DAB1: variants seen among roughly 807,000 people sequenced by gnomAD.
The protein encoded by DAB1 is disabled homolog 1.
A neutral mutation model predicts 64.6 loss-of-function variants in DAB1; 15 were observed. The ratio of observed to expected loss-of-function variants is 0.23; its 90% CI spans 0.16 to 0.36. The LOEUF is 0.36. Ranked by LOEUF, DAB1 falls within the 10% of genes least tolerant of loss-of-function variation. The probability of loss-of-function intolerance (pLI) is 1.00; values close to 1 mark genes in which losing one functional copy is unlikely to be tolerated. For missense variants in DAB1, 596 were observed against 706.7 expected, an observed-to-expected ratio of 0.84 and a Z score of 1.78; for synonymous variants, 235 against 251.9, an observed-to-expected ratio of 0.93 and a Z score of 0.64.
chr1:57,518,186 T>C (rs899753727), intron 7 of DAB1, among the ~76,000 whole-genome samples: 1 of 150,246 alleles, frequency 6.7e-6, no homozygotes, highest in Non-Finnish European at 1.5e-5. Context: ...ATTGTCGTTG[T>C]CGTCATCATC....
chr1:58,282,115 A>G (rs1661577774), intron 4 of DAB1, among the ~76,000 whole-genome samples: 1 of 152,048 alleles, frequency 6.6e-6, no homozygotes, highest in African/African-American at 2.4e-5. Context: ...TATGTGCTGA[A>G]CTCTTTTCCA....
chr1:57,723,921 C>G (rs1228692902), intron 6 of DAB1, among the ~76,000 whole-genome samples: 2 of 152,098 alleles, frequency 1.3e-5, no homozygotes, highest in East Asian at 3.9e-4. Flanking sequence ...ATTTCATATT[C>G]AAGAAAAAAA....
chr1:58,094,148 G>T (rs948848436), intron 5 of DAB1, among the ~76,000 whole-genome samples: 1 of 152,176 alleles, frequency 6.6e-6, no homozygotes, highest in Non-Finnish European at 1.5e-5. Flanking sequence ...CACTGTGGCT[G>T]CTGGGCTCCA....
At chr1:58,209,492 A>G (rs1020964525) in intron 4 of DAB1, among the ~76,000 whole-genome samples, 5 of 152,206 alleles carry the variant, frequency 3.3e-5, no homozygotes, top group Non-Finnish European at 7.3e-5. Context: ...TAAATATGCT[A>G]AGTAGCTATT....
At chr1:57,695,890 G>A (rs1646838723) in intron 6 of DAB1, among the ~76,000 whole-genome samples, 1 of 152,098 alleles carries the variant, frequency 6.6e-6, no homozygotes, top group African/African-American at 2.4e-5. Flanking sequence ...ACAAGAGTGA[G>A]ATTCCATCTC....
intron 9 of DAB1, among the ~76,000 whole-genome samples, chr1:57,039,891 G>T (rs1647516468): frequency 6.6e-6 from 1 of 152,172 alleles, no homozygotes; most frequent in African/African-American, 2.4e-5. Flanking sequence ...TAGTGCTAGT[G>T]TTAAGGGGAG....
chr1:57,329,283 C>T (rs1419879262), intron 1 of DAB1, among the ~76,000 whole-genome samples: 1 of 152,184 alleles, frequency 6.6e-6, no homozygotes, highest in Non-Finnish European at 1.5e-5. Flanking sequence ...ATCCTCCTTC[C>T]TCCCTCCAAA....
intron 4 of DAB1, among the ~76,000 whole-genome samples, chr1:57,114,034 A>G (rs1168551781): frequency 6.6e-6 from 1 of 152,166 alleles, no homozygotes; most frequent in South Asian, 2.1e-4. Context: ...ATTAGTTTCT[A>G]TGGAAACTGA....
chr1:57,713,715 G>A (rs1647052113), intron 6 of DAB1, among the ~76,000 whole-genome samples: 1 of 152,202 alleles, frequency 6.6e-6, no homozygotes, highest in Non-Finnish European at 1.5e-5. Flanking sequence ...ACCAGAGTAT[G>A]GATGTTGGAC....
At chr1:57,080,874 G>A (rs1028530611) in intron 4 of DAB1, among the ~76,000 whole-genome samples, 1 of 152,084 alleles carries the variant, frequency 6.6e-6, no homozygotes, top group African/African-American at 2.4e-5. Context: ...TATAATCACA[G>A]TTGGTAGCGG....
chr1:57,690,560 G>T (rs942558129), intron 6 of DAB1, among the ~76,000 whole-genome samples: 1 of 152,164 alleles, frequency 6.6e-6, no homozygotes, highest in Non-Finnish European at 1.5e-5. Context: ...TGCACAGTCT[G>T]CAGAACTATG....
intron 7 of DAB1, among the ~76,000 whole-genome samples, chr1:57,546,834 C>G (rs982659251): frequency 3.9e-5 from 6 of 152,000 alleles, no homozygotes; most frequent in African/African-American, 1.5e-4. Flanking sequence ...TGTCATTAAG[C>G]AATGCATGAC....
intron 6 of DAB1, among the ~76,000 whole-genome samples, chr1:57,815,932 C>T (rs890073135): frequency 3.3e-5 from 5 of 152,186 alleles, no homozygotes; most frequent in African/African-American, 1.2e-4. Context: ...GTGTCCTTAA[C>T]ATAGTAGCTG....
At chr1:57,668,642 T>C (rs1487802818) in intron 6 of DAB1, among the ~76,000 whole-genome samples, 1 of 152,116 alleles carries the variant, frequency 6.6e-6, no homozygotes, top group African/African-American at 2.4e-5. Context: ...CCCCAAAGCC[T>C]GTTCTGTGAA....
intron 5 of DAB1, among the ~76,000 whole-genome samples, chr1:57,939,339 T>C (rs1196208972): frequency 6.6e-6 from 1 of 152,192 alleles, no homozygotes; most frequent in African/African-American, 2.4e-5. Context: ...GGCTTCAATA[T>C]ACCAATGTGG....
intron 2 of DAB1, among the ~76,000 whole-genome samples, chr1:57,240,047 C>T (rs1214813498): frequency 1.3e-5 from 2 of 152,182 alleles, no homozygotes; most frequent in Non-Finnish European, 2.9e-5. Context: ...CAATGCAATC[C>T]TCCAACCACA....
At chr1:57,940,683 A>G (rs889712374) in intron 5 of DAB1, among the ~76,000 whole-genome samples, 2 of 152,170 alleles carry the variant, frequency 1.3e-5, no homozygotes, top group Non-Finnish European at 2.9e-5. Flanking sequence ...ACACCATTTG[A>G]GTAGCAAAGA....
chr1:58,232,274 T>TGCTG (rs1012741950), intron 4 of DAB1, among the ~76,000 whole-genome samples: 9 of 152,190 alleles, frequency 5.9e-5, no homozygotes, highest in African/African-American at 1.9e-4. Context: ...TAGTTCTCAG[T>TGCTG]GCTGAACTTG....
At chr1:58,494,891 C>A (rs1400298451) in intron 3 of DAB1, among the ~76,000 whole-genome samples, 3 of 152,166 alleles carry the variant, frequency 2.0e-5, no homozygotes, top group African/African-American at 7.2e-5. Flanking sequence ...ACTAGAAATA[C>A]CATTTGACCC....
Sources: allele counts gnomAD v4.1 joint callset (sites outside exome capture counted in the v4.1 genomes callset), GRCh38; gene constraint gnomAD v4.1.1; transcripts MANE v1.5; gene names NCBI Gene and HGNC (gene_info 2026-07-23, HGNC 2026-07-21).